The following DNER variants were observed in gnomAD, a reference collection of about 807,000 sequenced individuals.
The protein encoded by DNER is delta/notch like EGF repeat containing, also known as delta and Notch-like epidermal growth factor-related receptor.
In DNER, 33 loss-of-function variants were observed where a neutral mutation model predicts 78.2. That is an observed-to-expected ratio of 0.42 (90% CI 0.32 to 0.56). The LOEUF is 0.56. Among genes scored for constraint, DNER ranks in the 20% least tolerant of loss-of-function variants. The pLI, the probability that DNER is intolerant of heterozygous loss-of-function variation, is 0.11. For missense variants in DNER, 918 were observed against 975.3 expected (o/e 0.94, Z 0.78); for synonymous variants, 417 against 384.8 (o/e 1.08, Z -0.98).
intron 1 of DNER, among the ~76,000 whole-genome samples, chr2:229,709,870 C>T (rs1699884980): frequency 6.6e-6 from 1 of 152,036 alleles, no homozygotes; most frequent in Non-Finnish European, 1.5e-5. Flanking sequence ...GTAAATAGCC[C>T]CTTCTTTGAC....
chr2:229,527,779 T>C (rs760855859), intron 5 of DNER, among the ~76,000 whole-genome samples: 3 of 152,236 alleles, frequency 2.0e-5, no homozygotes, highest in Non-Finnish European at 2.9e-5. Flanking sequence ...AAATATGGTT[T>C]ATCTATTTTT....
intron 5 of DNER, among the ~76,000 whole-genome samples, chr2:229,529,881 C>A (rs1410923399): frequency 6.6e-6 from 1 of 152,076 alleles, no homozygotes; most frequent in South Asian, 2.1e-4. Flanking sequence ...AGTTGGTATA[C>A]CCGTGTGGTC....
intron 7 of DNER, among the ~76,000 whole-genome samples, chr2:229,463,892 C>T (rs151011999): frequency 6.6e-6 from 1 of 152,316 alleles, no homozygotes; most frequent in East Asian, 1.9e-4. Context: ...GCCATTTTTC[C>T]TTCCTGCAAA....
At chr2:229,461,390 A>C (rs1694697531) in intron 7 of DNER, among the ~76,000 whole-genome samples, 2 of 152,012 alleles carry the variant, frequency 1.3e-5, no homozygotes, top group Non-Finnish European at 2.9e-5. Context: ...CCTAGTAATA[A>C]TGATCTCTCA....
At position 229,447,472 on chromosome 2, in the gene DNER, T is replaced by A; in HGVS notation, c.1330A>T (p.Thr444Ser). Residue 444 changes from threonine (T) to serine (S), a missense_variant, in exon 8 of 13, where the codon ACC becomes TCC. Thr to Ser is a moderately conservative substitution (Grantham distance 58). Coordinates refer to ENST00000341772, the MANE Select transcript of DNER (RefSeq NM_139072.4). ...AAGTGTACCCCGTCCACATAGCAGG[T>A]GCCGTTGTTCTGGCACGGAGACGAG... ...CASSPCQNNG[T>S]CYVDGVHFTC... The A allele has an allele frequency of 6.2e-7, 1 of 1,614,170 alleles. No homozygotes were observed. Among genetic ancestry groups the A allele is most frequent in the South Asian group, 1.1e-5 (1 of 91,074 alleles).
intron 1 of DNER, among the ~76,000 whole-genome samples, chr2:229,707,171 G>A (rs929116200): frequency 2.1e-5 from 3 of 145,658 alleles, no homozygotes; most frequent in Non-Finnish European, 3.0e-5. Flanking sequence ...GTGCCACCAC[G>A]GCTGGCTAAT....
intron 1 of DNER, among the ~76,000 whole-genome samples, chr2:229,632,765 C>T (rs1211904972): frequency 1.3e-5 from 2 of 152,048 alleles, no homozygotes; most frequent in Non-Finnish European, 2.9e-5. Flanking sequence ...TAGTATTTGC[C>T]ACAAAGTGTT....
intron 1 of DNER, among the ~76,000 whole-genome samples, chr2:229,688,068 G>T (rs1300166594): frequency 1.3e-5 from 2 of 152,140 alleles, no homozygotes; most frequent in Non-Finnish European, 2.9e-5. Flanking sequence ...TCATCAAACG[G>T]GATTAAGTAA....
chr2:229,559,097 G>A (rs1429492388), intron 4 of DNER, among the ~76,000 whole-genome samples: 1 of 152,202 alleles, frequency 6.6e-6, no homozygotes, highest in Non-Finnish European at 1.5e-5. Flanking sequence ...AGGCAACTTT[G>A]TGGGGGGTGT....
At chr2:229,642,021 G>A (rs1161184003) in intron 1 of DNER, among the ~76,000 whole-genome samples, 1 of 152,190 alleles carries the variant, frequency 6.6e-6, no homozygotes, top group African/African-American at 2.4e-5. Context: ...CACACCTGTG[G>A]AAGAAGCAGC....
chr2:229,373,612 C>A (rs368182791), intron 11 of DNER, among the ~76,000 whole-genome samples: 1 of 152,150 alleles, frequency 6.6e-6, no homozygotes, highest in East Asian at 1.9e-4. Flanking sequence ...ACAAATTGTT[C>A]TACCAAAAAA....
At chr2:229,451,636 T>C (rs1421744908) in intron 7 of DNER, among the ~76,000 whole-genome samples, 2 of 152,150 alleles carry the variant, frequency 1.3e-5, no homozygotes, top group African/African-American at 4.8e-5. Flanking sequence ...CATGAGAATG[T>C]GAAGTAACCT....
chr2:229,638,447 T>C (rs1698562720), intron 1 of DNER, among the ~76,000 whole-genome samples: 1 of 152,134 alleles, frequency 6.6e-6, no homozygotes, highest in Admixed American at 6.6e-5. Flanking sequence ...GCCAAAGCAA[T>C]TTATGGGGAA....
At chr2:229,385,256 C>T (rs1692838281) in intron 11 of DNER, among the ~76,000 whole-genome samples, 1 of 152,088 alleles carries the variant, frequency 6.6e-6, no homozygotes, top group Non-Finnish European at 1.5e-5. Context: ...CAGAAAAGGC[C>T]TCTGATAAAG....
chr2:229,372,241 C>T (rs1298075539), intron 11 of DNER, among the ~76,000 whole-genome samples: 2 of 152,196 alleles, frequency 1.3e-5, no homozygotes, highest in Non-Finnish European at 2.9e-5. Flanking sequence ...GGCAAATGAT[C>T]CCCAAAACAA....
At chr2:229,431,617 A>G (rs562531222) in intron 8 of DNER, among the ~76,000 whole-genome samples, 1 of 139,626 alleles carries the variant, frequency 7.2e-6, no homozygotes, top group Non-Finnish European at 1.5e-5. Flanking sequence ...AGTTTAACAA[A>G]AGAGGAGGAC....
At position 229,363,657 on chromosome 2, in the gene DNER, C is replaced by T. The variant is rs1387625207; in HGVS notation, c.2102+3216G>A. ...AAATATTTTTGATATAAATCAGCAC[C>T]AAATAAGAGCCAGGTTTGTAAATGC... On this transcript the variant is annotated intron_variant, in intron 12 of 12. Coordinates refer to ENST00000341772, the MANE Select transcript of DNER (RefSeq NM_139072.4). 2.6e-5 allele frequency among the ~76,000 whole-genome samples: 4 copies of T among 152,206 alleles called. No individual in the cohort carries two copies. The East Asian group carries it at 5.8e-4, about 22-fold the overall frequency.
At chr2:229,636,689 C>T (rs556863717) in intron 1 of DNER, among the ~76,000 whole-genome samples, 2 of 152,246 alleles carry the variant, frequency 1.3e-5, no homozygotes, top group East Asian at 1.9e-4. Context: ...GAACTTGTTC[C>T]CCCAAACCAG....
chr2:229,579,545 G>T (rs759991553), intron 4 of DNER, among the ~76,000 whole-genome samples: 1 of 152,090 alleles, frequency 6.6e-6, no homozygotes. Context: ...AGCTTTAAGC[G>T]GTGCTCTACA....
Sources: gnomAD v4.1 joint callset for allele counts (sites outside exome capture counted in the v4.1 genomes callset) on GRCh38, gnomAD v4.1.1 for gene constraint, MANE v1.5 for transcripts, NCBI Gene and HGNC (gene_info 2026-07-23, HGNC 2026-07-21) for gene names.